Variants in SEL1L2 observed in about 807,000 individuals in gnomAD.
The protein encoded by SEL1L2 is protein sel-1 homolog 2.
Under a neutral mutation model 98.8 loss-of-function variants are expected in SEL1L2, and 89 were observed. The observed-to-expected ratio is 0.90, with a 90% CI of 0.76 to 1.07. SEL1L2 has a LOEUF of 1.07. Among genes scored for constraint, SEL1L2 ranks in the 50% least tolerant of loss-of-function variants. The probability of loss-of-function intolerance (pLI) is 0.00; values close to 1 mark genes in which losing one functional copy is unlikely to be tolerated. For synonymous variants in SEL1L2, 262 were observed against 278.5 expected, an observed-to-expected ratio of 0.94 and a Z score of 0.59; for missense variants, 788 against 812.0, an observed-to-expected ratio of 0.97 and a Z score of 0.36.
chr20:13,898,063 A>G (rs1447535279), intron 5 of SEL1L2, among the ~76,000 whole-genome samples: 1 of 152,186 alleles, frequency 6.6e-6, no homozygotes, highest in Non-Finnish European at 1.5e-5. Flanking sequence ...TGCTATGGAA[A>G]ACAGTATGCA....
chr20:13,991,188 G>A (rs902076512), upstream of SEL1L2, among the ~76,000 whole-genome samples: 9 of 152,128 alleles, frequency 5.9e-5, no homozygotes, highest in Non-Finnish European at 1.0e-4. Flanking sequence ...TGAATATTTA[G>A]GGAAAACATA....
rs1215586119 is a variant in SEL1L2 at position 13,932,432 on chromosome 20, A to ATT, written c.115-663_115-662dup. ...AATTATTATTATTATTATTATTATT[A>ATT]TTATTATTATTATTTTTTGAGACGA... On this transcript the variant is annotated intron_variant, in intron 2 of 19. Coordinates refer to ENST00000284951, the MANE Select transcript of SEL1L2 (RefSeq NM_025229.2). Among the ~76,000 whole-genome samples, 53 of 148,428 alleles carry ATT rather than the reference A, an allele frequency of 3.6e-4. 1 individual carries two copies. The highest frequency in any genetic ancestry group is 1.1e-3 in the South Asian group (5 of 4,642).
chr20:13,958,727 G>A (rs1262381372), intron 1 of SEL1L2, among the ~76,000 whole-genome samples: 1 of 151,660 alleles, frequency 6.6e-6, no homozygotes. Context: ...ACGAGGTCAG[G>A]AGATCGAGAC....
chr20:13,983,086 CACATGATTAGTTTA>C (rs2051944820), intron 1 of SEL1L2, among the ~76,000 whole-genome samples: 2 of 113,880 alleles, frequency 1.8e-5, no homozygotes, highest in East Asian at 6.1e-4. Context: ...GAGAAAAAAA[CACATGATTAGTTTA>C]ACATGATTAG....
At chr20:13,898,263 G>A (rs1030740121) in intron 5 of SEL1L2, among the ~76,000 whole-genome samples, 4 of 152,158 alleles carry the variant, frequency 2.6e-5, no homozygotes, top group African/African-American at 9.7e-5. Flanking sequence ...GTGCAGCCAG[G>A]CAGATAGCCC....
intron 1 of SEL1L2, among the ~76,000 whole-genome samples, chr20:13,987,561 G>A (rs1480429167): frequency 6.6e-6 from 1 of 151,800 alleles, no homozygotes; most frequent in Non-Finnish European, 1.5e-5. Context: ...GGTTGGCCAG[G>A]ATGGTCTGGA....
At chr20:13,951,911 A>G (rs1046873385) in intron 2 of SEL1L2, among the ~76,000 whole-genome samples, 13 of 152,036 alleles carry the variant, frequency 8.6e-5, no homozygotes, top group Admixed American at 2.6e-4. Context: ...AGGGATGGGT[A>G]ATGTAAAAAT....
At chr20:13,935,569 C>T (rs757168787) in intron 2 of SEL1L2, among the ~76,000 whole-genome samples, 10 of 152,032 alleles carry the variant, frequency 6.6e-5, no homozygotes, top group South Asian at 2.1e-4. Context: ...AACGCAAAGG[C>T]GCTGAAACAG....
chr20:13,888,585 T>G (rs1344504563), intron 5 of SEL1L2, 73 bp from the exon 6 acceptor site: 1 of 669,388 alleles, frequency 1.5e-6, no homozygotes, highest in African/African-American at 1.9e-5. Flanking sequence ...ATAAGGGATA[T>G]CTTAAATGTC....
At position 13,850,191 on chromosome 20, in the gene SEL1L2, A is replaced by G. The variant is rs747314495; in HGVS notation, c.1947T>C (p.Asn649=). 1 of 1,613,834 alleles carries G rather than the reference A, an allele frequency of 6.2e-7. No homozygotes were observed. The highest frequency in any genetic ancestry group is 1.1e-5 in the South Asian group (1 of 91,074). ...THLLRDILFF[N]FTTRWNWLKL... ...CAGGACCTGTTCAAGACAAACTTAC[A>G]TTAAAAAACAGGATATCCCGGAGCA... Residue 649 remains asparagine, a splice_region_variant and synonymous_variant, in exon 19 of 20, where the codon AAT becomes AAC. Transcript: ENST00000284951.
chr20:13,976,171 T>A (rs1445520583), intron 1 of SEL1L2, among the ~76,000 whole-genome samples: 1 of 152,060 alleles, frequency 6.6e-6, no homozygotes, highest in Admixed American at 6.6e-5. Flanking sequence ...CCAGCTAATT[T>A]TGGTATTTTT....
At chr20:13,894,254 T>G (rs987700361) in intron 5 of SEL1L2, among the ~76,000 whole-genome samples, 1 of 152,064 alleles carries the variant, frequency 6.6e-6, no homozygotes, top group African/African-American at 2.4e-5. Flanking sequence ...AAGTTAGGTT[T>G]TTTAAAAATA....
intron 2 of SEL1L2, among the ~76,000 whole-genome samples, chr20:13,932,650 C>T: frequency 6.6e-6 from 1 of 152,008 alleles, no homozygotes; most frequent in East Asian, 1.9e-4. Context: ...AGGCTGTTCT[C>T]GAACTTCTGA....
chr20:13,910,089 T>C (rs2048150945), intron 5 of SEL1L2, among the ~76,000 whole-genome samples: 2 of 152,212 alleles, frequency 1.3e-5, no homozygotes, highest in African/African-American at 2.4e-5. Flanking sequence ...TCACTCATGT[T>C]CTGTCTTCTG....
intron 18 of SEL1L2, among the ~76,000 whole-genome samples, chr20:13,855,338 A>T (rs1005836383): frequency 1.2e-4 from 18 of 152,004 alleles, no homozygotes; most frequent in African/African-American, 3.9e-4. Context: ...TCTGGACTTC[A>T]TTTAGCAATA....
chr20:13,918,755 T>G (rs1306443056), intron 4 of SEL1L2, among the ~76,000 whole-genome samples: 17 of 152,226 alleles, frequency 1.1e-4, no homozygotes, highest in Admixed American at 6.5e-4. Flanking sequence ...AAACAATATT[T>G]CTGCATGAAT....
chr20:13,928,151 G>C (rs756940765), intron 3 of SEL1L2: 1 of 152,232 alleles, frequency 6.6e-6, no homozygotes, highest in African/African-American at 2.4e-5. Flanking sequence ...GTTTAGCGCA[G>C]CCAATCACCA....
chr20:13,910,275 T>C (rs1200947319), intron 5 of SEL1L2, among the ~76,000 whole-genome samples: 1 of 152,210 alleles, frequency 6.6e-6, no homozygotes, highest in Non-Finnish European at 1.5e-5. Context: ...CACAACAGTA[T>C]TCATTAATGT....
intron 5 of SEL1L2, among the ~76,000 whole-genome samples, chr20:13,910,067 A>G (rs1459117085): frequency 6.6e-6 from 1 of 152,212 alleles, no homozygotes; most frequent in African/African-American, 2.4e-5. Flanking sequence ...CTTTTGGGCC[A>G]TAAGTTTGTC....
Sources: gnomAD v4.1 joint callset for allele counts (sites outside exome capture counted in the v4.1 genomes callset) on GRCh38, gnomAD v4.1.1 for gene constraint, MANE v1.5 for transcripts, NCBI Gene and HGNC (gene_info 2026-07-23, HGNC 2026-07-21) for gene names.